SOS1: variants seen among roughly 807,000 people sequenced by gnomAD.
SOS1 encodes the protein SOS Ras/Rac guanine nucleotide exchange factor 1.
Under a neutral mutation model 157.6 loss-of-function variants are expected in SOS1, and 25 were observed. That is an observed-to-expected ratio of 0.16 (90% CI 0.12 to 0.22). SOS1 has a LOEUF of 0.22. Ranked by LOEUF, SOS1 falls within the 10% of genes least tolerant of loss-of-function variation. SOS1 has a pLI of 1.00. For synonymous variants in SOS1, 528 were observed against 534.0 expected, an observed-to-expected ratio of 0.99 and a Z score of 0.16; for missense variants, 1,237 against 1,599.1, an observed-to-expected ratio of 0.77 and a Z score of 3.86.
chr2:39,096,747 G>A (rs1333339611), intron 1 of SOS1, among the ~76,000 whole-genome samples: 2 of 152,052 alleles, frequency 1.3e-5, no homozygotes, highest in East Asian at 1.9e-4. Context: ...TTAGCCGGAT[G>A]TGGTGGCGGG....
At chr2:39,042,001 A>G (rs1216686173) in intron 6 of SOS1, among the ~76,000 whole-genome samples, 3 of 152,116 alleles carry the variant, frequency 2.0e-5, no homozygotes, top group East Asian at 1.9e-4. Context: ...GATTAATGTA[A>G]TATCTGTCAC....
At chr2:39,119,766 A>AC (rs1387027868) in intron 1 of SOS1, among the ~76,000 whole-genome samples, 3 of 151,908 alleles carry the variant, frequency 2.0e-5, no homozygotes, top group African/African-American at 7.3e-5. Flanking sequence ...ACAAAACAAA[A>AC]CCCCCCTGAA....
chr2:39,019,087 C>T (rs1669714989), intron 10 of SOS1, among the ~76,000 whole-genome samples: 1 of 151,690 alleles, frequency 6.6e-6, no homozygotes, highest in African/African-American at 2.4e-5. Flanking sequence ...TATAAAATAG[C>T]AGTAAATACT....
chr2:39,079,525 C>T (rs544757784), intron 1 of SOS1, among the ~76,000 whole-genome samples: 5 of 112,868 alleles, frequency 4.4e-5, no homozygotes, highest in African/African-American at 6.7e-5. Flanking sequence ...GACGGAGTCT[C>T]GCTCTGTCGC....
chr2:39,067,615 A>G lies in SOS1; in HGVS notation c.213+13T>C. The G allele has an allele frequency of 1.2e-6, 2 of 1,611,564 alleles. No homozygotes were observed. The highest frequency in any genetic ancestry group is 1.7e-6 in the Non-Finnish European group (2 of 1,177,782). On this transcript the variant is annotated intron_variant, in intron 2 of 22. Coordinates refer to ENST00000402219, the MANE Select transcript of SOS1 (RefSeq NM_005633.4). The stretch of plus-strand genomic sequence containing the variant: ...TTAGATATAAAGTAAATACAAGACA[A>G]CATTTGTCATACCTCTACATCTGAA...
intron 5 of SOS1, among the ~76,000 whole-genome samples, chr2:39,054,225 C>T (rs61049772): frequency 0.036 from 5,500 of 152,344 alleles, 313 homozygotes; most frequent in African/African-American, 0.12. Flanking sequence ...CCGTGCCCAG[C>T]AGAACTGTTT....
At chr2:39,086,889 T>A (rs1019009680) in intron 1 of SOS1, among the ~76,000 whole-genome samples, 8 of 152,156 alleles carry the variant, frequency 5.3e-5, no homozygotes, top group African/African-American at 1.9e-4. Context: ...CTTGGCTCAC[T>A]GCAACCTCTG....
chr2:39,007,764 T>C (rs1480473564), intron 15 of SOS1, among the ~76,000 whole-genome samples: 2 of 152,104 alleles, frequency 1.3e-5, no homozygotes, highest in Non-Finnish European at 2.9e-5. Flanking sequence ...TGTGGTATGA[T>C]AGTATGAGGA....
intron 1 of SOS1, among the ~76,000 whole-genome samples, chr2:39,069,190 CA>C (rs869178369): frequency 4.3e-5 from 2 of 46,760 alleles, no homozygotes; most frequent in African/African-American, 6.8e-5. Context: ...TACCAAAAAG[CA>C]AAAAAAAAAA....
intron 5 of SOS1, among the ~76,000 whole-genome samples, chr2:39,054,218 T>C (rs1016936493): frequency 4.6e-5 from 7 of 152,338 alleles, no homozygotes; most frequent in African/African-American, 1.7e-4. Context: ...TGAGCCACCG[T>C]GCCCAGCAGA....
At chr2:38,989,178 G>A (rs1668644183) in intron 21 of SOS1, 92 bp downstream of exon 21, 13 of 853,934 alleles carry the variant, frequency 1.5e-5, no homozygotes, top group South Asian at 1.4e-4. Flanking sequence ...AATGCTGCCA[G>A]ACCCAAGAAG....
chr2:39,063,203 G>C (rs1476230949), intron 2 of SOS1, among the ~76,000 whole-genome samples: 1 of 151,946 alleles, frequency 6.6e-6, no homozygotes, highest in Non-Finnish European at 1.5e-5. Flanking sequence ...GCTTCCTGCA[G>C]CCTTGAACTC....
chr2:39,116,016 G>C (rs914518519), intron 1 of SOS1, among the ~76,000 whole-genome samples: 1 of 151,688 alleles, frequency 6.6e-6, no homozygotes, highest in Non-Finnish European at 1.5e-5. Context: ...ACGAACATTG[G>C]ATTGTTTCCA....
chr2:39,072,061 T>C (rs1284091919), intron 1 of SOS1, among the ~76,000 whole-genome samples: 3 of 152,232 alleles, frequency 2.0e-5, no homozygotes, highest in Non-Finnish European at 4.4e-5. Flanking sequence ...ATTTGTTGAA[T>C]CTATTAAATA....
chr2:38,992,164 C>G lies in SOS1; in HGVS notation c.3347-2850G>C, dbSNP rs1172298438. The G allele has an allele frequency of 2.0e-5, 3 of 152,126 alleles. 1 individual carries two copies. The East Asian group carries it at 5.8e-4, about 29-fold the overall frequency. The allele number at this position is 152,126 out of a possible 1,614,324, so 9.4% of individuals were successfully genotyped here. A position where few individuals can be genotyped will look rare whatever the true frequency, so the allele number is the denominator to read the frequency against. ...AGCAAGTTGGAGGCTCTGGGTGATCCTCTGGCACTCGCACATCTGTTAGTT... is the reference window on the plus strand; with the variant it reads ...AGCAAGTTGGAGGCTCTGGGTGATCGTCTGGCACTCGCACATCTGTTAGTT... On this transcript the variant is annotated intron_variant, in intron 20 of 22. Coordinates refer to ENST00000402219, the MANE Select transcript of SOS1 (RefSeq NM_005633.4).
At chr2:39,024,799 G>T (rs942538271) in intron 8 of SOS1, among the ~76,000 whole-genome samples, 4 of 152,122 alleles carry the variant, frequency 2.6e-5, no homozygotes, top group African/African-American at 4.8e-5. Flanking sequence ...AAGTGTAAAT[G>T]GTTTTCTTTG....
chr2:39,036,441 C>T lies in SOS1; in HGVS notation c.865-941G>A, dbSNP rs138127906. 7.1e-3 allele frequency among the ~76,000 whole-genome samples: 1,084 copies of T among 152,258 alleles called. 11 individuals carry two copies. Among genetic ancestry groups the T allele is most frequent in the African/African-American group, 0.025 (1,039 of 41,548 alleles). ...TCTTGGCTCACTACAACCTCTGCCC[C>T]CTGGGCTCAAACAATCCTCCCACCT... On this transcript the variant is annotated intron_variant, in intron 6 of 22. Transcript: ENST00000402219.
intron 6 of SOS1, among the ~76,000 whole-genome samples, chr2:39,042,478 A>C (rs1670604905): frequency 6.6e-6 from 1 of 152,066 alleles, no homozygotes; most frequent in African/African-American, 2.4e-5. Context: ...ATCTCGGCTC[A>C]CTGCAACCTC....
In SOS1 at chr2:39,047,303, A is replaced by C. The variant is rs118071710; in HGVS notation, c.864+3841T>G. Among the ~76,000 whole-genome samples the C allele has an allele frequency of 2.5e-3, 386 of 152,318 alleles. 12 individuals are homozygous for C. The East Asian group carries it at 0.067, about 27-fold the overall frequency. On this transcript the variant is annotated intron_variant, in intron 6 of 22. Transcript: ENST00000402219. ...ATATACCACTAATTTATCCCTTATG[A>C]ATAAACCTACTGTGAACATTCTTCA...
Sources: allele counts gnomAD v4.1 joint callset (sites outside exome capture counted in the v4.1 genomes callset), GRCh38; gene constraint gnomAD v4.1.1; transcripts MANE v1.5; gene names NCBI Gene and HGNC (gene_info 2026-07-23, HGNC 2026-07-21).